SS18L2: variants seen among roughly 807,000 people sequenced by gnomAD.
The protein encoded by SS18L2 is SS18 like 2, also known as SS18-like protein 2.
A neutral mutation model predicts 10.3 loss-of-function variants in SS18L2; 8 were observed. The ratio of observed to expected loss-of-function variants is 0.78; its 90% CI spans 0.46 to 1.41. The LOEUF is 1.41. SS18L2 is among the 40% of genes most tolerant of loss of function. The probability of loss-of-function intolerance (pLI) is 0.00; values close to 1 mark genes in which losing one functional copy is unlikely to be tolerated. For synonymous variants in SS18L2, 41 were observed against 34.6 expected, an observed-to-expected ratio of 1.19 and a Z score of -0.65; for missense variants, 100 against 96.2, an observed-to-expected ratio of 1.04 and a Z score of -0.17.
upstream of SS18L2, among the ~76,000 whole-genome samples, chr3:42,589,484 C>T (rs1480372429): frequency 6.6e-6 from 1 of 152,086 alleles, no homozygotes; most frequent in African/African-American, 2.4e-5. Flanking sequence ...CCAGGGAAAA[C>T]GAATCTTGTT....
chr3:42,587,979 AGGAGAATTGCT>A (rs1704678135), upstream of SS18L2, among the ~76,000 whole-genome samples: 1 of 151,658 alleles, frequency 6.6e-6, no homozygotes, highest in African/African-American at 2.4e-5. Flanking sequence ...AGGCTGAGGC[AGGAGAATTGCT>A]GGAACCCCGG....
chr3:42,594,337 C>T (rs1180053236), intron 2 of SS18L2, 85 bp from the exon 3 acceptor site: 34 of 1,037,236 alleles, frequency 3.3e-5, no homozygotes, highest in Non-Finnish European at 4.5e-5. Flanking sequence ...AGCCATTCCA[C>T]TAGAGTGGGT....
upstream of SS18L2, among the ~76,000 whole-genome samples, chr3:42,589,004 C>T (rs1388266059): frequency 3.3e-5 from 5 of 152,094 alleles, no homozygotes; most frequent in South Asian, 2.1e-4. Context: ...GTAGCTCACA[C>T]CTGTAATCCC....
At chr3:42,590,773 T>C, upstream of SS18L2, 1 of 990,054 alleles carries the variant, frequency 1.0e-6, no homozygotes, top group Non-Finnish European at 1.6e-6. Flanking sequence ...GCGCGTCCAG[T>C]CACAAATGAC....
chr3:42,587,059 AC>A (rs1704636439), upstream of SS18L2, among the ~76,000 whole-genome samples: 1 of 152,280 alleles, frequency 6.6e-6, no homozygotes, highest in East Asian at 1.9e-4. Flanking sequence ...TTTCAAATGC[AC>A]ACACTTCTTT....
chr3:42,592,690 T>C (rs543962972), intron 2 of SS18L2, among the ~76,000 whole-genome samples: 264 of 152,370 alleles, frequency 1.7e-3, no homozygotes, highest in African/African-American at 5.2e-3. Flanking sequence ...TAAAAGTTTA[T>C]GGTAAATACC....
At position 42,595,793 on chromosome 3, in the gene SS18L2, T is replaced by A. The variant is rs1245666997; in HGVS notation, c.*1284T>A. 6.6e-6 allele frequency among the ~76,000 whole-genome samples: 1 copy of A among 152,156 alleles called. No homozygotes were observed. ...AGGGCAACTGTAAAATACATGTAAA[T>A]AGTGAAGAGATAACTCATTTTGAAT... On this transcript the variant is annotated 3_prime_UTR_variant, in exon 3 of 3. Transcript: ENST00000011691.
chr3:42,589,448 C>T (rs1430549508), upstream of SS18L2, among the ~76,000 whole-genome samples: 1 of 152,108 alleles, frequency 6.6e-6, no homozygotes, highest in Non-Finnish European at 1.5e-5. Flanking sequence ...AGATCTCCCT[C>T]CTAAATGAAG....
chr3:42,586,713 C>T (rs1380139154), upstream of SS18L2, among the ~76,000 whole-genome samples: 2 of 152,180 alleles, frequency 1.3e-5, no homozygotes, highest in Admixed American at 6.5e-5. Context: ...ATCACATTCT[C>T]CTTAGGCAGT....
Position 42,590,915 on chromosome 3 carries a change from A to C in SS18L2, c.18A>C (p.Val6=), listed in dbSNP as rs1280665148. Residue 6 remains valine, a synonymous_variant, in exon 1 of 3, where the codon GTA becomes GTC. Coordinates refer to ENST00000011691, the MANE Select transcript of SS18L2 (RefSeq NM_001370300.1). ...TCCTCGGGATGTCGGTGGCCTTCGTACCGGACTGGCTGAGGGGCAAGGCGG... is the reference window on the plus strand; with the variant it reads ...TCCTCGGGATGTCGGTGGCCTTCGTCCCGGACTGGCTGAGGGGCAAGGCGG... MSVAF[V]PDWLRGKAEV... 3 of 1,485,766 alleles carry C rather than the reference A, an allele frequency of 2.0e-6. No individual in the cohort carries two copies. Among genetic ancestry groups the C allele is most frequent in the Non-Finnish European group, 2.7e-6 (3 of 1,102,692 alleles). The allele number at this position is 1,485,766 out of a possible 1,614,324, so 92.0% of individuals were successfully genotyped here. A position where few individuals can be genotyped will look rare whatever the true frequency, so the allele number is the denominator to read the frequency against.
chr3:42,592,539 T>TTA (rs1323331920), intron 2 of SS18L2, among the ~76,000 whole-genome samples: 2 of 152,220 alleles, frequency 1.3e-5, no homozygotes, highest in Non-Finnish European at 2.9e-5. Flanking sequence ...TATTTCATTG[T>TTA]TACTGAAGAA....
rs564481664 is a variant in SS18L2 at position 42,596,852 on chromosome 3, G to T, written c.*2343G>T. 1.3e-5 allele frequency among the ~76,000 whole-genome samples: 2 copies of T among 152,152 alleles called. No individual in the cohort carries two copies. The highest frequency in any genetic ancestry group is 2.9e-5 in the Non-Finnish European group (2 of 68,016). On this transcript the variant is annotated 3_prime_UTR_variant, in exon 3 of 3. Coordinates refer to ENST00000011691, the MANE Select transcript of SS18L2 (RefSeq NM_001370300.1). ...AGTGGCAGAAAGAAGAGAATTGCTG[G>T]AATGTCAAGATAAGAATGAATTCTA...
rs1240703664 is a variant in SS18L2 at position 42,596,040 on chromosome 3, T to G, written c.*1531T>G. ...TTGTTTTGTTTTGTTTTTGTTTTTG[T>G]TTTTTTTTGAGACGGAATCTCGCTC... On this transcript the variant is annotated 3_prime_UTR_variant, in exon 3 of 3. Transcript: ENST00000011691. Among the ~76,000 whole-genome samples, 3 of 146,392 alleles carry G rather than the reference T, an allele frequency of 2.0e-5. No homozygotes were observed. In the East Asian group the frequency reaches 5.9e-4, roughly 29 times the overall value.
At chr3:42,590,858 T>A (rs1559536279), upstream of SS18L2, 2 of 1,609,948 alleles carry the variant, frequency 1.2e-6, no homozygotes, top group Admixed American at 3.3e-5. Flanking sequence ...CTATCGTGGG[T>A]CGAGTTGCTT....
intron 2 of SS18L2, among the ~76,000 whole-genome samples, chr3:42,593,397 ACAGAGCAAGACTCCGTCT>A (rs1460870010): frequency 1.3e-5 from 2 of 152,232 alleles, no homozygotes; most frequent in Non-Finnish European, 1.5e-5. Flanking sequence ...AGCCTGGGTG[ACAGAGCAAGACTCCGTCT>A]CAATAAATAA....
intron 2 of SS18L2, 85 bp from the exon 3 acceptor site, chr3:42,594,337 C>G: frequency 1.3e-5 from 13 of 1,037,354 alleles, no homozygotes; most frequent in Non-Finnish European, 2.0e-5. Flanking sequence ...AGCCATTCCA[C>G]TAGAGTGGGT....
chr3:42,588,815 T>C (rs1704709464), upstream of SS18L2, among the ~76,000 whole-genome samples: 1 of 152,130 alleles, frequency 6.6e-6, no homozygotes, highest in East Asian at 1.9e-4. Flanking sequence ...TTTCCTTTTC[T>C]GCCCACTCTG....
Position 42,594,467 on chromosome 3 carries a change from T to C in SS18L2, c.192T>C (p.Ile64=). 6.2e-7 allele frequency: 1 copy of C among 1,614,102 alleles called. No individual in the cohort carries two copies. Among genetic ancestry groups the C allele is most frequent in the Non-Finnish European group, 8.5e-7 (1 of 1,179,966 alleles). Residue 64 remains isoleucine (I), a synonymous_variant, in exon 3 of 3, where the codon ATT becomes ATC. Coordinates refer to ENST00000011691, the MANE Select transcript of SS18L2 (RefSeq NM_001370300.1). ...GAAATCTCATTTATTTGGCTACCATTGCAGATGCCAGTCCAACCAGCACTT... is the reference window on the plus strand; with the variant it reads ...GAAATCTCATTTATTTGGCTACCATCGCAGATGCCAGTCCAACCAGCACTT... The part of the protein sequence containing the change: ...LHRNLIYLAT[I]ADASPTSTSK...
intron 1 of SS18L2, chr3:42,581,970 T>G (rs530067389): frequency 1.3e-5 from 2 of 152,396 alleles, no homozygotes; most frequent in East Asian, 3.8e-4. Context: ...TAGGCCGTGG[T>G]GCGCGTGCGC....
Sources: allele counts gnomAD v4.1 joint callset (sites outside exome capture counted in the v4.1 genomes callset), GRCh38; gene constraint gnomAD v4.1.1; transcripts MANE v1.5; gene names NCBI Gene and HGNC (gene_info 2026-07-23, HGNC 2026-07-21).